The following SNX2 variants were observed in gnomAD, a reference collection of about 807,000 sequenced individuals.
SNX2 encodes sorting nexin-2.
A neutral mutation model predicts 69.9 loss-of-function variants in SNX2; 25 were observed. That is an observed-to-expected ratio of 0.36 (90% CI 0.26 to 0.50). SNX2 has a LOEUF of 0.50. Ranked by LOEUF, SNX2 falls within the 20% of genes least tolerant of loss-of-function variation. The pLI is 0.97. For missense variants in SNX2, 551 were observed against 613.3 expected (o/e 0.90, Z 1.07); for synonymous variants, 229 against 200.4 (o/e 1.14, Z -1.20).
chr5:122,779,100 A>T (rs985045034), intron 1 of SNX2, among the ~76,000 whole-genome samples: 2 of 150,244 alleles, frequency 1.3e-5, no homozygotes, highest in African/African-American at 2.5e-5. Flanking sequence ...AGTACGTTTT[A>T]AAAAAAAGGT....
chr5:122,810,325 C>G (rs543559088), intron 7 of SNX2, among the ~76,000 whole-genome samples: 1,686 of 146,014 alleles, frequency 0.012, 35 homozygotes, highest in African/African-American at 0.042. Flanking sequence ...TGTTTATCTA[C>G]TGACCTTCCC....
chr5:122,797,886 A>G lies in SNX2; in HGVS notation c.227-1806A>G, dbSNP rs539759404. On this transcript the variant is annotated intron_variant, in intron 2 of 14. Coordinates refer to ENST00000379516, the MANE Select transcript of SNX2 (RefSeq NM_003100.4). Reference sequence around the variant, plus strand: ...AAAATTTAAGACAGATTATATATATATGTTGAATCTAAATCCTACAATTTT... The same window carrying G: ...AAAATTTAAGACAGATTATATATATGTGTTGAATCTAAATCCTACAATTTT... Among the ~76,000 whole-genome samples, 13 of 152,320 alleles carry G rather than the reference A, an allele frequency of 8.5e-5. No individual in the cohort carries two copies. The South Asian group carries it at 2.7e-3, about 32-fold the overall frequency.
Position 122,775,209 on chromosome 5 carries a change from G to C in SNX2, c.106G>C (p.Glu36Gln), listed in dbSNP as rs768269905. Residue 36 changes from glutamate (E) to glutamine (Q), a missense_variant and splice_region_variant, in exon 1 of 15, where the codon GAG becomes CAG. Physicochemically the swap from Glu to Gln is conservative, Grantham distance 29 (BLOSUM62 2). Transcript: ENST00000379516. ...DLFTSTVSTL[E>Q]SSPSSPEPAS... ...GTTCACCAGCACTGTCTCCACCCTA[G>C]AGGTGAGACCGCGTCGCTGCGGGTG... 200 of 1,566,162 alleles carry C rather than the reference G, an allele frequency of 1.3e-4. No individual in the cohort carries two copies. In the Admixed American group the frequency reaches 3.8e-3, roughly 29 times the overall value.
At chr5:122,824,006 C>T (rs564204674) in intron 11 of SNX2, among the ~76,000 whole-genome samples, 4 of 151,848 alleles carry the variant, frequency 2.6e-5, no homozygotes, top group Non-Finnish European at 5.9e-5. Context: ...TCGAGACCAT[C>T]CTGGCTAACA....
rs963505316 is a variant in SNX2, at chr5:122,833,935, A to G, written c.*4287A>G. On this transcript the variant is annotated 3_prime_UTR_variant, in exon 15 of 15. Transcript: ENST00000379516. ...ATGTTTTGCAAGTAGTGGATGTTCA[A>G]TATCTACAATAAATGAATTGTAGTA... 3.3e-5 allele frequency: 5 copies of G among 152,226 alleles called. No homozygotes were observed. Among genetic ancestry groups the G allele is most frequent in the African/African-American group, 1.2e-4 (5 of 41,458 alleles). 9.4% of individuals were successfully genotyped at this position (152,226 alleles called of 1,614,324 possible). A position where few individuals can be genotyped will look rare whatever the true frequency, so the allele number is the denominator to read the frequency against.
chr5:122,795,813 G>A (rs1753364014), intron 2 of SNX2, among the ~76,000 whole-genome samples: 1 of 152,140 alleles, frequency 6.6e-6, no homozygotes, highest in Non-Finnish European at 1.5e-5. Context: ...TTTACCATCT[G>A]TTCCATTTGA....
intron 2 of SNX2, 71 bp downstream of exon 2, chr5:122,795,454 A>G (rs1010997575): frequency 1.9e-6 from 2 of 1,044,648 alleles, no homozygotes; most frequent in East Asian, 2.4e-5. Flanking sequence ...GAAAATATCT[A>G]AAACAAAACT....
At chr5:122,793,383 A>G (rs575508295) in intron 1 of SNX2, among the ~76,000 whole-genome samples, 3 of 152,322 alleles carry the variant, frequency 2.0e-5, no homozygotes, top group East Asian at 3.9e-4. Context: ...AATAAGTACC[A>G]TATGGCTCTA....
upstream of SNX2, chr5:122,775,017 GC>G (rs1257140218): frequency 6.3e-5 from 81 of 1,289,424 alleles, no homozygotes; most frequent in Non-Finnish European, 8.2e-5. Context: ...GGGCGGGGAG[GC>G]TGGCGGGTCG....
intron 11 of SNX2, among the ~76,000 whole-genome samples, chr5:122,824,392 G>A (rs1001808635): frequency 6.6e-6 from 1 of 152,020 alleles, no homozygotes; most frequent in Non-Finnish European, 1.5e-5. Flanking sequence ...GAATCTATTT[G>A]TGTTAGATAT....
intron 7 of SNX2, among the ~76,000 whole-genome samples, chr5:122,813,767 CTTTTTT>C (rs546503535): frequency 8.7e-6 from 1 of 115,372 alleles, no homozygotes; most frequent in African/African-American, 3.3e-5. Flanking sequence ...AGAATATTTC[CTTTTTT>C]TTTTTTTTTT....
Position 122,827,665 on chromosome 5 carries a change from TAACTTA to T in SNX2, c.1509+25_1509+30del, listed in dbSNP as rs751350958. ...ACAACAGGTAAGCCATTTTTGTTTA[TAACTTA>T]AACTTCTAGAATTTGTTTTTGGTAT... On this transcript the variant is annotated intron_variant, in intron 14 of 14. Coordinates refer to ENST00000379516, the MANE Select transcript of SNX2 (RefSeq NM_003100.4). The T allele has an allele frequency of 5.8e-6, 9 of 1,553,328 alleles. No homozygotes were observed. Among genetic ancestry groups the T allele is most frequent in the Non-Finnish European group, 7.1e-6 (8 of 1,130,656 alleles).
At chr5:122,812,761 G>GC (rs1284180199) in intron 7 of SNX2, among the ~76,000 whole-genome samples, 7 of 152,160 alleles carry the variant, frequency 4.6e-5, no homozygotes, top group African/African-American at 1.7e-4. Context: ...TCAAAACAGT[G>GC]CTTAATAGGT....
At chr5:122,803,098 C>T (rs1405671642) in intron 5 of SNX2, among the ~76,000 whole-genome samples, 1 of 152,076 alleles carries the variant, frequency 6.6e-6, no homozygotes, top group Non-Finnish European at 1.5e-5. Flanking sequence ...AACTTATGTT[C>T]CAGCAGGGGG....
intron 11 of SNX2, among the ~76,000 whole-genome samples, chr5:122,823,494 A>G (rs1754070383): frequency 6.6e-6 from 1 of 152,230 alleles, no homozygotes; most frequent in African/African-American, 2.4e-5. Flanking sequence ...TAGATTTAGC[A>G]TATCAATGGA....
intron 8 of SNX2, among the ~76,000 whole-genome samples, chr5:122,816,575 C>T (rs907131685): frequency 4.6e-5 from 7 of 152,056 alleles, no homozygotes; most frequent in Non-Finnish European, 7.4e-5. Flanking sequence ...TCCTTATAAA[C>T]GGTTTATTTC....
At chr5:122,775,575 C>G (rs988960115) in intron 1 of SNX2, 2 of 1,000,748 alleles carry the variant, frequency 2.0e-6, no homozygotes, top group Admixed American at 6.0e-5. Flanking sequence ...CCACCGAGCT[C>G]TTTTGAAGGG....
intron 14 of SNX2, among the ~76,000 whole-genome samples, chr5:122,828,999 A>T (rs1383914545): frequency 6.6e-6 from 1 of 151,864 alleles, no homozygotes; most frequent in Admixed American, 6.6e-5. Context: ...CGCACCTGTA[A>T]TCCCAGCTAC....
At chr5:122,821,901 G>A (rs1754034457) in intron 11 of SNX2, among the ~76,000 whole-genome samples, 1 of 150,750 alleles carries the variant, frequency 6.6e-6, no homozygotes, top group South Asian at 2.2e-4. Context: ...TGACCAGAGG[G>A]TATATGCATT....
Sources: gnomAD v4.1 joint callset for allele counts (sites outside exome capture counted in the v4.1 genomes callset) on GRCh38, gnomAD v4.1.1 for gene constraint, MANE v1.5 for transcripts, NCBI Gene and HGNC (gene_info 2026-07-23, HGNC 2026-07-21) for gene names.